MTMR4: variants seen among roughly 807,000 people sequenced by gnomAD.
The protein encoded by MTMR4 is phosphatidylinositol-3,5-bisphosphate 3-phosphatase MTMR4.
In MTMR4, 30 loss-of-function variants were observed where a neutral mutation model predicts 125.5. The observed-to-expected ratio is 0.24, with a 90% CI of 0.18 to 0.32. The LOEUF is 0.32. Among genes scored for constraint, MTMR4 ranks in the 10% least tolerant of loss-of-function variants. The pLI, the probability that MTMR4 is intolerant of heterozygous loss-of-function variation, is 1.00. For synonymous variants in MTMR4, 498 were observed against 564.5 expected (o/e 0.88, Z 1.67); for missense variants, 1,039 against 1,511.5 (o/e 0.69, Z 5.18).
upstream of MTMR4, among the ~76,000 whole-genome samples, chr17:58,516,223 A>G (rs1464137038): frequency 6.6e-6 from 1 of 152,208 alleles, no homozygotes; most frequent in Non-Finnish European, 1.5e-5. Flanking sequence ...CTTGAGATAA[A>G]GAAGGCCCAG....
At position 58,503,879 on chromosome 17, in the gene MTMR4, T is replaced by A; in HGVS notation, c.1718A>T (p.His573Leu). 1 of 1,613,916 alleles carries A rather than the reference T, an allele frequency of 6.2e-7. No individual in the cohort carries two copies. The highest frequency in any genetic ancestry group is 8.5e-7 in the Non-Finnish European group (1 of 1,179,936). Reference protein sequence around the residue: ...SSDMVLHPVCHVRALHLWTAV... With the variant: ...SSDMVLHPVCLVRALHLWTAV... ...TGTCCAGAGGTGCAGGGCCCGGACATGACAAACAGGATGCAGGACCTAGGG... is the reference window on the plus strand; with the variant it reads ...TGTCCAGAGGTGCAGGGCCCGGACAAGACAAACAGGATGCAGGACCTAGGG... The change falls in exon 14 of 18, where the codon CAT (histidine) becomes CTT (leucine). Residue 573 changes from histidine (H) to leucine (L), a missense_variant. Physicochemically the swap from His to Leu is moderately conservative, Grantham distance 99. Coordinates refer to ENST00000682306, the MANE Select transcript of MTMR4 (RefSeq NM_001378067.1).
chr17:58,517,648 G>T (rs1421859711), upstream of MTMR4, among the ~76,000 whole-genome samples: 1 of 152,254 alleles, frequency 6.6e-6, no homozygotes, highest in Non-Finnish European at 1.5e-5. Context: ...CAGGTTGGCA[G>T]GGGAGCCCAG....
At chr17:58,493,213 A>T (rs1028898961) in intron 15 of MTMR4, among the ~76,000 whole-genome samples, 19 of 152,396 alleles carry the variant, frequency 1.2e-4, no homozygotes, top group African/African-American at 4.3e-4. Context: ...ACACCACAGC[A>T]TAGAAAGACT....
chr17:58,514,263 G>A (rs1976022398), intron 1 of MTMR4, 100 bp downstream of exon 1: 6 of 963,354 alleles, frequency 6.2e-6, no homozygotes, highest in South Asian at 4.8e-5. Context: ...TCGGGGCCGG[G>A]CCAGGGGCCT....
chr17:58,511,095 C>G (rs1168738817), intron 4 of MTMR4: 1 of 175,558 alleles, frequency 5.7e-6, no homozygotes, highest in Non-Finnish European at 1.2e-5. Flanking sequence ...GTAGGGTACT[C>G]AATACATGTA....
At chr17:58,498,668 C>A (rs1975539270) in intron 14 of MTMR4, among the ~76,000 whole-genome samples, 2 of 151,840 alleles carry the variant, frequency 1.3e-5, no homozygotes, top group African/African-American at 2.4e-5. Flanking sequence ...CCTTTAAAAT[C>A]TTTATACCAA....
intron 1 of MTMR4, 89 bp downstream of exon 1, chr17:58,514,274 C>T: frequency 6.1e-6 from 6 of 979,514 alleles, no homozygotes; most frequent in Non-Finnish European, 7.3e-6. Flanking sequence ...CCAGGGGCCT[C>T]GGGAAGGGGG....
Position 58,508,704 on chromosome 17 carries a change from T to C in MTMR4, c.473A>G (p.Gln158Arg), listed in dbSNP as rs2143914265. The part of the protein sequence containing the change: ...AWCLGLTEED[Q>R]HTHLCQPGEH... ...ACCTGGCTGACATAGGTGAGTGTGC[T>C]GGTCCTCCTCGGTCAGCCCCAGGCA... Residue 158 changes from glutamine (Q) to arginine (R), a missense_variant, in exon 5 of 18, where the codon CAG (glutamine) becomes CGG (arginine). By Grantham distance (43) the Gln-to-Arg change is conservative. Around this residue, in one of 6 missense-constraint regions of MTMR4, gnomAD observed 202 missense variants for 311.9 expected, o/e 0.65. Transcript: ENST00000682306. This position sits in a 1 kb window ranked among gnomAD's most constrained non-coding sequence, Gnocchi z 4.8. 6.2e-7 allele frequency: 1 copy of C among 1,614,222 alleles called. No homozygotes were observed. Among genetic ancestry groups the C allele is most frequent in the South Asian group, 1.1e-5 (1 of 91,088 alleles).
In MTMR4 at chr17:58,508,653, C is replaced by G; in HGVS notation, c.496+28G>C. 1 of 1,613,470 alleles carries G rather than the reference C, an allele frequency of 6.2e-7. No homozygotes were observed. ...ATGAGAACTAAGGGGTAAGAAGCAG[C>G]CTCCCAAAGAAAATAGACTGGCCTC... is the stretch of plus-strand genomic sequence containing the variant. On this transcript the variant is annotated intron_variant, in intron 5 of 17. Coordinates refer to ENST00000682306, the MANE Select transcript of MTMR4 (RefSeq NM_001378067.1). This position sits in a 1 kb window ranked among gnomAD's most constrained non-coding sequence, Gnocchi z 4.8.
rs1975341365 is a variant in MTMR4 at position 58,492,526 on chromosome 17, C to G, written c.3437G>C (p.Arg1146Pro). 1 of 1,613,870 alleles carries G rather than the reference C, an allele frequency of 6.2e-7. No individual in the cohort carries two copies. The highest frequency in any genetic ancestry group is 1.7e-5 in the Admixed American group (1 of 59,950). The change falls in exon 17 of 18, where the codon CGA becomes CCA. Residue 1146 changes from arginine to proline, a missense_variant. By Grantham distance (103) the Arg-to-Pro change is moderately radical. Coordinates refer to ENST00000682306, the MANE Select transcript of MTMR4 (RefSeq NM_001378067.1). ...AACATCTTACCTGCAATGGTGTCTT[C>G]GTTTGGCCAACCAGAATTCACAGTC... ...NCDCEFWLAK[R>P]RHHCRNCGNV... is the part of the protein sequence containing the mutation.
Position 58,508,367 on chromosome 17 carries a change from A to G in MTMR4, c.594-93T>C. ...TGGCTTTGTGGGAAGAGAAACCATGAGCCTTCCTCCCTCTCAGACTCAGAA... is the reference window on the plus strand; with the variant it reads ...TGGCTTTGTGGGAAGAGAAACCATGGGCCTTCCTCCCTCTCAGACTCAGAA... On this transcript the variant is annotated intron_variant, in intron 6 of 17. Transcript: ENST00000682306. This position sits in a 1 kb window ranked among gnomAD's most constrained non-coding sequence, Gnocchi z 4.8. The G allele has an allele frequency of 6.5e-7, 1 of 1,542,332 alleles. No homozygotes were observed. Among genetic ancestry groups the G allele is most frequent in the Non-Finnish European group, 9.0e-7 (1 of 1,115,244 alleles).
At chr17:58,505,092 T>A (rs1183702356) in intron 10 of MTMR4, 118 bp from the exon 11 acceptor site, 4 of 998,430 alleles carry the variant, frequency 4.0e-6, no homozygotes, top group Admixed American at 2.8e-5. Flanking sequence ...AACCAAGAGG[T>A]ACAACCCAGG....
intron 4 of MTMR4, 71 bp downstream of exon 4, chr17:58,511,358 G>T: frequency 7.6e-7 from 1 of 1,323,648 alleles, no homozygotes; most frequent in South Asian, 1.4e-5. Flanking sequence ...TTGCACCAGA[G>T]AAACCCTGCA....
In MTMR4 at chr17:58,496,023, T is replaced by C. The variant is rs1287244028; in HGVS notation, c.2161A>G (p.Thr721Ala). The part of the protein sequence containing the change: ...SCSPSYKLLN[T>A]AVPREMKSNT... ...CTCTTCATTTCCCGAGGCACTGCGG[T>C]ATTAAGCAGTTTGTAACTTGGAGAA... The change falls in exon 15 of 18, where the codon ACC (threonine) becomes GCC (alanine). Residue 721 changes from threonine to alanine, a missense_variant. Coordinates refer to ENST00000682306, the MANE Select transcript of MTMR4 (RefSeq NM_001378067.1). 6.2e-7 allele frequency: 1 copy of C among 1,613,974 alleles called. No homozygotes were observed. The highest frequency in any genetic ancestry group is 1.3e-5 in the African/African-American group (1 of 74,894).
At position 58,504,939 on chromosome 17, in the gene MTMR4, T is replaced by C. The variant is rs747126686; in HGVS notation, c.1181A>G (p.Gln394Arg). 5 of 1,612,966 alleles carry C rather than the reference T, an allele frequency of 3.1e-6. No homozygotes were observed. The highest frequency in any genetic ancestry group is 3.3e-5 in the Admixed American group (2 of 59,842). The change falls in exon 11 of 18, where the codon CAG becomes CGG. Residue 394 changes from glutamine (Q) to arginine (R), a missense_variant. By Grantham distance (43) the Gln-to-Arg change is conservative. Coordinates refer to ENST00000682306, the MANE Select transcript of MTMR4 (RefSeq NM_001378067.1). The surrounding 1 kb of genome is among the most constrained non-coding windows in gnomAD (Gnocchi z 7.1). ...LSALESTKWLQHLSVMLKAAV... is the reference protein window; with the variant it reads ...LSALESTKWLRHLSVMLKAAV... Reference sequence around the variant, plus strand: ...TGCTTTTAGCATCACCGACAAGTGCTGCAGCCATTTGGTACTCTCCAGTGC... The same window carrying C: ...TGCTTTTAGCATCACCGACAAGTGCCGCAGCCATTTGGTACTCTCCAGTGC...
At position 58,514,412 on chromosome 17, in the gene MTMR4, G is replaced by A; in HGVS notation, c.-5C>T. On this transcript the variant is annotated 5_prime_UTR_variant, in exon 1 of 18. An upstream open reading frame in the 5' UTR gains an earlier in-frame stop. Transcript: ENST00000682306. ...GACGCGGGCGGTCAGGCTCATGGTC[G>A]CGGGCGGTCTGGGCCAGCGCACATG... 1.0e-6 allele frequency: 1 copy of A among 986,400 alleles called. No homozygotes were observed. The highest frequency in any genetic ancestry group is 1.2e-6 in the Non-Finnish European group (1 of 830,184). The allele number at this position is 986,400 out of a possible 1,614,324, so 61.1% of individuals were successfully genotyped here.
At chr17:58,500,724 G>A (rs966808558) in intron 14 of MTMR4, among the ~76,000 whole-genome samples, 4 of 142,196 alleles carry the variant, frequency 2.8e-5, no homozygotes, top group East Asian at 2.1e-4. Context: ...CACTCCAACC[G>A]GTGACAGAGC....
intron 14 of MTMR4, among the ~76,000 whole-genome samples, chr17:58,503,147 T>C (rs558799441): frequency 3.9e-5 from 6 of 152,262 alleles, no homozygotes; most frequent in Admixed American, 1.3e-4. Flanking sequence ...TCAAGACCAT[T>C]CCCACAAACC....
In MTMR4 at chr17:58,508,900, A is replaced by G; in HGVS notation, c.336-59T>C. The stretch of plus-strand genomic sequence containing the variant: ...CAAAGTGCAGTTGTGCCATGGGGCT[A>G]TCAGGGCCAAAAACACAGCCACAGG... On this transcript the variant is annotated intron_variant, in intron 4 of 17. Transcript: ENST00000682306. The surrounding 1 kb of genome is among the most constrained non-coding windows in gnomAD (Gnocchi z 4.8). The G allele has an allele frequency of 6.4e-7, 1 of 1,569,408 alleles. No homozygotes were observed. Among genetic ancestry groups the G allele is most frequent in the Non-Finnish European group, 8.7e-7 (1 of 1,149,044 alleles).
Sources: gnomAD v4.1 joint callset for allele counts (sites outside exome capture counted in the v4.1 genomes callset) on GRCh38, gnomAD v4.1.1 for gene constraint, gnomAD v4.1.1 regional missense constraint, Gnocchi (gnomAD v3.1) non-coding constraint, MANE v1.5 for transcripts, NCBI Gene and HGNC (gene_info 2026-07-23, HGNC 2026-07-21) for gene names.